HIVEP1: variants seen among roughly 807,000 people sequenced by gnomAD.
HIVEP1 encodes the protein HIVEP zinc finger 1.
A neutral mutation model predicts 180.0 loss-of-function variants in HIVEP1; 36 were observed. The ratio of observed to expected loss-of-function variants is 0.20; its 90% CI spans 0.15 to 0.26. The LOEUF is 0.26. Ranked by LOEUF, HIVEP1 falls within the 10% of genes least tolerant of loss-of-function variation. The pLI is 1.00. For missense variants in HIVEP1, 3,143 were observed against 3,268.7 expected (o/e 0.96, Z 0.94); for synonymous variants, 1,239 against 1,239.0 (o/e 1.00, Z 0.00).
chr6:12,159,191 C>T (rs1051852182), intron 7 of HIVEP1, among the ~76,000 whole-genome samples: 4 of 150,978 alleles, frequency 2.6e-5, no homozygotes, highest in East Asian at 3.9e-4. Flanking sequence ...TTAGGCTGTA[C>T]GTGTGTGTGT....
intron 2 of HIVEP1, among the ~76,000 whole-genome samples, chr6:12,042,271 C>CG (rs1380844421): frequency 6.7e-6 from 1 of 149,194 alleles, no homozygotes; most frequent in East Asian, 2.0e-4. Context: ...TCAGTAGAGA[C>CG]GGGGTTTCAC....
chr6:12,115,852 G>C (rs562857149), intron 3 of HIVEP1, among the ~76,000 whole-genome samples: 9 of 151,862 alleles, frequency 5.9e-5, no homozygotes, highest in South Asian at 2.1e-4. Context: ...AGGCTCGCGG[G>C]GGGTGCTGGT....
rs1038664853 is a variant in HIVEP1 at position 12,163,930 on chromosome 6, A to G, written c.7626A>G (p.Pro2542=). ...GCCCCGCCCCTCAGGCACACATTCC[A>G]GGTCTCCAGATCTTGAACATAGCAT... is the stretch of plus-strand genomic sequence containing the variant. ...QSSPAPQAHI[P]GLQILNIALP... Residue 2542 remains proline, a synonymous_variant, in exon 9 of 9, where the codon CCA becomes CCG. Coordinates refer to ENST00000379388, the MANE Select transcript of HIVEP1 (RefSeq NM_002114.4). 1.9e-6 allele frequency: 3 copies of G among 1,614,080 alleles called. No homozygotes were observed. Among genetic ancestry groups the G allele is most frequent in the Non-Finnish European group, 2.5e-6 (3 of 1,180,018 alleles).
chr6:12,136,094 A>T (rs1758689684), intron 7 of HIVEP1, among the ~76,000 whole-genome samples: 1 of 152,052 alleles, frequency 6.6e-6, no homozygotes, highest in Non-Finnish European at 1.5e-5. Flanking sequence ...CACGATGTTC[A>T]TCTTTCTGAA....
At chr6:12,184,604 T>A in the HIVEP1 span, among the ~76,000 whole-genome samples, 2 of 152,210 alleles carry the variant, frequency 1.3e-5, no homozygotes, top group Non-Finnish European at 2.9e-5. Flanking sequence ...ATTTTCCCTT[T>A]CATTTGCCTC....
chr6:12,124,882 C>T lies in HIVEP1; in HGVS notation c.5087C>T (p.Ala1696Val), dbSNP rs775212353. Residue 1696 changes from alanine to valine, a missense_variant, in exon 4 of 9, where the codon GCT (alanine) becomes GTT (valine). Ala to Val is a moderately conservative substitution (Grantham distance 64). Transcript: ENST00000379388. ...ACATTACAAAAAGGTCATCAGAATG[C>T]TTTGCCAAACCCAGAGAAGGAATTT... Reference protein sequence around the residue: ...VPTLQKGHQNALPNPEKEFLC... With the variant: ...VPTLQKGHQNVLPNPEKEFLC... 11 of 1,614,032 alleles carry T rather than the reference C, an allele frequency of 6.8e-6. No individual in the cohort carries two copies. The Admixed American group carries it at 1.8e-4, about 27-fold the overall frequency.
chr6:12,052,984 T>C (rs1561892489), intron 2 of HIVEP1, among the ~76,000 whole-genome samples: 1 of 152,202 alleles, frequency 6.6e-6, no homozygotes, highest in African/African-American at 2.4e-5. Flanking sequence ...CTCATCACAG[T>C]TTTTAAAATA....
intron 2 of HIVEP1, among the ~76,000 whole-genome samples, chr6:12,043,573 G>T (rs1397568383): frequency 6.6e-6 from 1 of 151,882 alleles, no homozygotes; most frequent in Non-Finnish European, 1.5e-5. Context: ...TACCATGTTG[G>T]TCAGGCTGGT....
At chr6:12,054,868 A>G (rs993453427) in intron 2 of HIVEP1, among the ~76,000 whole-genome samples, 1 of 152,254 alleles carries the variant, frequency 6.6e-6, no homozygotes, top group African/African-American at 2.4e-5. Flanking sequence ...ATCCTGAAAT[A>G]CTTCTAAGGA....
intron 7 of HIVEP1, among the ~76,000 whole-genome samples, chr6:12,137,416 C>G (rs1411070715): frequency 6.6e-6 from 1 of 152,128 alleles, no homozygotes. Context: ...ACTGATTGAC[C>G]TACCTATGTA....
At chr6:12,073,388 A>G (rs377739262) in intron 2 of HIVEP1, among the ~76,000 whole-genome samples, 12 of 152,280 alleles carry the variant, frequency 7.9e-5, no homozygotes, top group African/African-American at 2.6e-4. Context: ...AGGGTTTGTT[A>G]TTAGATTCTA....
intron 6 of HIVEP1, among the ~76,000 whole-genome samples, chr6:12,132,474 G>A (rs929425860): frequency 6.6e-6 from 1 of 151,842 alleles, no homozygotes; most frequent in Admixed American, 6.6e-5. Context: ...ATCAAGTAAG[G>A]GCAAAAAAGG....
intron 6 of HIVEP1, among the ~76,000 whole-genome samples, chr6:12,134,700 A>G (rs1358592150): frequency 6.6e-6 from 1 of 152,112 alleles, no homozygotes; most frequent in East Asian, 1.9e-4. Flanking sequence ...TCCACTGGAG[A>G]TGCTTGTTAT....
chr6:12,070,626 A>G (rs781045434), intron 2 of HIVEP1, among the ~76,000 whole-genome samples: 2 of 152,220 alleles, frequency 1.3e-5, no homozygotes, highest in Non-Finnish European at 2.9e-5. Context: ...TTGACTGGAT[A>G]CTAATATGAA....
At chr6:12,097,292 T>C (rs1327590489) in intron 3 of HIVEP1, among the ~76,000 whole-genome samples, 1 of 151,006 alleles carries the variant, frequency 6.6e-6, no homozygotes, top group African/African-American at 2.4e-5. Flanking sequence ...ATTTATTTAG[T>C]AAATTGTTGT....
rs1775460346 is a variant in HIVEP1 at position 12,119,927 on chromosome 6, C to G, written c.132C>G (p.Ser44=). 1 of 1,591,344 alleles carries G rather than the reference C, an allele frequency of 6.3e-7. No homozygotes were observed. Among genetic ancestry groups the G allele is most frequent in the Non-Finnish European group, 8.5e-7 (1 of 1,173,374 alleles). The part of the protein sequence containing the change: ...LQAGVKGTSE[S]LKGVKRKKIV... ...CTGGTGTTAAAGGAACTTCGGAATC[C>G]CTTAAAGGTGTGAAACGCAAAAAGA... Residue 44 remains serine, a synonymous_variant, in exon 4 of 9, where the codon TCC becomes TCG. Transcript: ENST00000379388.
At chr6:12,119,457 T>C (rs867517889) in intron 3 of HIVEP1, among the ~76,000 whole-genome samples, 9 of 152,226 alleles carry the variant, frequency 5.9e-5, no homozygotes, top group African/African-American at 2.2e-4. Context: ...TCAACCAGTT[T>C]TGTTACAAGC....
the HIVEP1 span, among the ~76,000 whole-genome samples, chr6:12,191,968 A>G: frequency 6.6e-6 from 1 of 152,232 alleles, no homozygotes; most frequent in Non-Finnish European, 1.5e-5. Flanking sequence ...AGTATGTTCC[A>G]TTCTCACAGC....
chr6:12,163,858 T>C lies in HIVEP1; in HGVS notation c.7554T>C (p.Asn2518=). 6.2e-7 allele frequency: 1 copy of C among 1,614,198 alleles called. No individual in the cohort carries two copies. ...TCCATCCACCAGGACTGGCTCTGAA[T>C]GCTGTCGGACTGCAGGTTCTGACTG... is the stretch of plus-strand genomic sequence containing the variant. ...PQVHPPGLAL[N]AVGLQVLTAN... The change falls in exon 9 of 9, where the codon AAT becomes AAC. Residue 2518 remains asparagine (N), a synonymous_variant. Transcript: ENST00000379388.
Sources: gnomAD v4.1 joint callset for allele counts (sites outside exome capture counted in the v4.1 genomes callset) on GRCh38, gnomAD v4.1.1 for gene constraint, MANE v1.5 for transcripts, NCBI Gene and HGNC (gene_info 2026-07-23, HGNC 2026-07-21) for gene names.